CEP72: variants seen among roughly 807,000 people sequenced by gnomAD.
The protein encoded by CEP72 is centrosomal protein of 72 kDa.
CEP72 carries 78 observed loss-of-function variants against 65.7 expected under a neutral mutation model. The ratio of observed to expected loss-of-function variants is 1.19; its 90% CI spans 0.99 to 1.43. The LOEUF (loss-of-function observed/expected upper bound fraction) is 1.43. Among genes scored for constraint, CEP72 ranks in the 40% most tolerant of loss-of-function variants. The pLI is 0.00. For synonymous variants in CEP72, 358 were observed against 351.7 expected (o/e 1.02, Z -0.20); for missense variants, 914 against 832.9 (o/e 1.10, Z -1.20).
At chr5:616,831 T>TGC (rs1459436114) in intron 1 of CEP72, among the ~76,000 whole-genome samples, 2,872 of 147,780 alleles carry the variant, frequency 0.019, 49 homozygotes, top group East Asian at 0.08. Context: ...TGTGTGTGTG[T>TGC]GCGCGCGAGT....
chr5:629,481 T>A (rs1737067333), intron 4 of CEP72, among the ~76,000 whole-genome samples: 1 of 136,634 alleles, frequency 7.3e-6, no homozygotes, highest in African/African-American at 2.8e-5. Flanking sequence ...GGTGGGGTTC[T>A]GTCCAGTGCC....
chr5:636,304 A>T (rs1029602825), intron 6 of CEP72, among the ~76,000 whole-genome samples: 1 of 152,240 alleles, frequency 6.6e-6, no homozygotes, highest in Non-Finnish European at 1.5e-5. Flanking sequence ...CATGGTTTAG[A>T]TTCATGGTTG....
chr5:615,179 A>G (rs1354966830), intron 1 of CEP72, among the ~76,000 whole-genome samples: 1 of 114,116 alleles, frequency 8.8e-6, no homozygotes, highest in Non-Finnish European at 1.7e-5. Flanking sequence ...CTTGTCCCCC[A>G]GGCTGGAGTG....
intron 11 of CEP72, among the ~76,000 whole-genome samples, chr5:650,057 T>C (rs865842360): frequency 1.8e-4 from 6 of 32,698 alleles, no homozygotes; most frequent in Admixed American, 4.0e-4. Flanking sequence ...GACTGTGAGG[T>C]GTGACTGTGA....
rs773637613 is a variant in CEP72 at position 644,054 on chromosome 5, C to T, written c.1540-245C>T. ...GGGAGACTCAGGAGTGGGGCTCTCA[C>T]AGGACTGGGGCGCTCCTTTCCATCC... On this transcript the variant is annotated intron_variant, in intron 9 of 11. Transcript: ENST00000264935. The T allele has an allele frequency of 6.7e-6, 3 of 449,324 alleles. 1 individual carries two copies. Among genetic ancestry groups the T allele is most frequent in the Middle Eastern group, 1.3e-3 (2 of 1,580 alleles). The allele number at this position is 449,324 out of a possible 1,614,324, so 27.8% of individuals were successfully genotyped here.
chr5:659,511 G>A (rs1272691221), downstream of CEP72, among the ~76,000 whole-genome samples: 3 of 152,190 alleles, frequency 2.0e-5, no homozygotes, highest in African/African-American at 7.2e-5. Flanking sequence ...ATCTCAGGTT[G>A]GCATTTTTTT....
rs1283054136 is a variant in CEP72 at position 653,143 on chromosome 5, AG to A, written c.1936del (p.Ala646ProfsTer44). On this transcript the variant is annotated frameshift_variant, in exon 12 of 12. Coordinates refer to ENST00000264935, the MANE Select transcript of CEP72 (RefSeq NM_018140.4). LOFTEE classifies it high-confidence loss of function. ...PHSSASHGGC[Q>X]AC ...AGCAGCGCCAGCCATGGAGGCTGCC[AG>A]GCCTGCTGACTCCTGCCGAGAAGCT... is the stretch of plus-strand genomic sequence containing the variant. The A allele has an allele frequency of 6.2e-7, 1 of 1,605,180 alleles. No individual in the cohort carries two copies. The highest frequency in any genetic ancestry group is 1.7e-5 in the Admixed American group (1 of 58,560).
chr5:666,197 C>T (rs1344401074), intron 4 of CEP72: 1 of 1,530,324 alleles, frequency 6.5e-7, no homozygotes, highest in African/African-American at 1.4e-5. Context: ...TGGGTCTGAG[C>T]AGAGCTGGAC....
At chr5:620,831 G>C (rs1188967840) in intron 3 of CEP72, among the ~76,000 whole-genome samples, 1 of 152,240 alleles carries the variant, frequency 6.6e-6, no homozygotes, top group Non-Finnish European at 1.5e-5. Context: ...ATGCCCAGTA[G>C]GGAGGGTCCC....
chr5:667,853 C>CCCCATCA (rs1397281875), downstream of CEP72, among the ~76,000 whole-genome samples: 14 of 129,766 alleles, frequency 1.1e-4, no homozygotes, highest in East Asian at 7.1e-4. Flanking sequence ...TCCGCGTGGG[C>CCCCATCA]GCCGTCAGGG....
chr5:640,986 G>A, intron 9 of CEP72: 2 of 985,480 alleles, frequency 2.0e-6, no homozygotes, highest in Non-Finnish European at 2.4e-6. Flanking sequence ...ATGACGGCCA[G>A]TGTCCCATGG....
chr5:664,629 C>T (rs751670828), intron 2 of CEP72: 15 of 172,424 alleles, frequency 8.7e-5, no homozygotes, highest in East Asian at 1.7e-4. Context: ...GGACAGGCCT[C>T]GGGCCCCACA....
chr5:651,554 C>T (rs959322905), intron 11 of CEP72, among the ~76,000 whole-genome samples: 2 of 151,946 alleles, frequency 1.3e-5, no homozygotes, highest in Non-Finnish European at 2.9e-5. Context: ...GTTGGAAACA[C>T]GGAGATTTCA....
intron 4 of CEP72, among the ~76,000 whole-genome samples, chr5:628,323 G>A (rs1736888074): frequency 6.6e-6 from 1 of 152,216 alleles, no homozygotes; most frequent in African/African-American, 2.4e-5. Flanking sequence ...GGTGGGGGAC[G>A]CCCAAGGAAC....
At chr5:643,375 G>A (rs1738188018) in intron 9 of CEP72, 2 of 985,330 alleles carry the variant, frequency 2.0e-6, no homozygotes, top group Admixed American at 1.2e-4. Flanking sequence ...CAGACACCTT[G>A]GGGAGAAGTC....
downstream of CEP72, among the ~76,000 whole-genome samples, chr5:654,004 G>A (rs1248987685): frequency 7.2e-6 from 1 of 139,320 alleles, no homozygotes; most frequent in Admixed American, 7.5e-5. Context: ...CTTGCTGTGT[G>A]TGTGTGCTGT....
chr5:614,444 A>ATTTTTTTT (rs11350475), intron 1 of CEP72, among the ~76,000 whole-genome samples: 3 of 93,828 alleles, frequency 3.2e-5, no homozygotes, highest in African/African-American at 1.3e-4. Context: ...TGACCTGTGA[A>ATTTTTTTT]TTTTTTTTTT....
At chr5:669,683 C>T (rs1186920958), downstream of CEP72, among the ~76,000 whole-genome samples, 4 of 152,192 alleles carry the variant, frequency 2.6e-5, no homozygotes, top group African/African-American at 7.2e-5. Context: ...GAGGGGCTCC[C>T]CCATCAGAGG....
At chr5:619,159 A>C (rs755031082) in intron 2 of CEP72, 42 bp downstream of exon 2, 5 of 1,584,528 alleles carry the variant, frequency 3.2e-6, no homozygotes, top group Non-Finnish European at 3.5e-6. Flanking sequence ...TGCTATCAAC[A>C]TCAGTGGAAA....
Sources: allele counts gnomAD v4.1 joint callset (sites outside exome capture counted in the v4.1 genomes callset), GRCh38; gene constraint gnomAD v4.1.1; transcripts MANE v1.5; gene names NCBI Gene and HGNC (gene_info 2026-07-23, HGNC 2026-07-21).